The following HES2 variants were observed in gnomAD, a reference collection of about 807,000 sequenced individuals.
The protein encoded by HES2 is transcription factor HES-2.
Under a neutral mutation model 11.9 loss-of-function variants are expected in HES2, and 11 were observed. The observed-to-expected ratio is 0.92, with a 90% CI of 0.58 to 1.53. HES2 has a LOEUF of 1.53. Ranked by LOEUF, HES2 falls within the 40% of genes most tolerant of loss-of-function variation. The pLI is 0.00. For synonymous variants in HES2, 125 were observed against 122.8 expected (o/e 1.02, Z -0.12); for missense variants, 260 against 253.8 (o/e 1.02, Z -0.16).
At position 6,418,996 on chromosome 1, in the gene HES2, A is replaced by G; in HGVS notation, c.399T>C (p.Ala133=). Residue 133 remains alanine, a synonymous_variant, in exon 4 of 4, where the codon GCT becomes GCC. Coordinates refer to ENST00000377834, the MANE Select transcript of HES2 (RefSeq NM_019089.5). The stretch of plus-strand genomic sequence containing the variant: ...GGGCAGACGGGCCACTGGAATCCCC[A>G]GCGCGCCCGCCGTCCAGGGTGGCGC... ...AASATLDGGR[A]GDSSGPSAPA... 1 of 1,368,960 alleles carries G rather than the reference A, an allele frequency of 7.3e-7. No homozygotes were observed. Among genetic ancestry groups the G allele is most frequent in the Admixed American group, 4.0e-5 (1 of 24,958 alleles). 84.8% of individuals were successfully genotyped at this position (1,368,960 alleles called of 1,614,324 possible).
At position 6,415,678 on chromosome 1, in the gene HES2, G is replaced by A. The variant is rs539707536; in HGVS notation, c.*3195C>T. On this transcript the variant is annotated 3_prime_UTR_variant, in exon 4 of 4. Transcript: ENST00000377834. Reference sequence around the variant, plus strand: ...AGGAGCAGGTAGGCGCCTGTCCCAAGCCTGAGTTTCCTGGGAAATCTACAT... The same window carrying A: ...AGGAGCAGGTAGGCGCCTGTCCCAAACCTGAGTTTCCTGGGAAATCTACAT... The A allele has an allele frequency of 6.6e-6, 1 of 152,204 alleles. No individual in the cohort carries two copies. Among genetic ancestry groups the A allele is most frequent in the South Asian group, 2.1e-4 (1 of 4,826 alleles). The allele number at this position is 152,204 out of a possible 1,614,324, so 9.4% of individuals were successfully genotyped here.
chr1:6,419,805 G>A lies in HES2; in HGVS notation c.16C>T (p.Arg6Trp). 2 of 1,558,802 alleles carry A rather than the reference G, an allele frequency of 1.3e-6. No individual in the cohort carries two copies. The highest frequency in any genetic ancestry group is 8.6e-7 in the Non-Finnish European group (1 of 1,157,488). ...CGCAGCTCCGCCGCGTCCCCTGCCC[G>A]GCGAGGCAGCCCCATGCTCCGCGGG... MGLPR[R>W]AGDAAELRKS... Residue 6 changes from arginine (R) to tryptophan (W), a missense_variant, in exon 1 of 4, where the codon CGG becomes TGG. Arg to Trp is a moderately radical substitution (Grantham distance 101). Coordinates refer to ENST00000377834, the MANE Select transcript of HES2 (RefSeq NM_019089.5). The surrounding 1 kb of genome is among the most constrained non-coding windows in gnomAD (Gnocchi z 8.1).
chr1:6,419,017 G>A lies in HES2; in HGVS notation c.378C>T (p.Ala126=). Reference sequence around the variant, plus strand: ...CCCCAGCGCGCCCGCCGTCCAGGGTGGCGCTGGCCGCTCTCCGCCACAGGT... The same window carrying A: ...CCCCAGCGCGCCCGCCGTCCAGGGTAGCGCTGGCCGCTCTCCGCCACAGGT... ...LEHLWRRAAS[A]TLDGGRAGDS... is the part of the protein sequence containing the mutation. Residue 126 remains alanine (A), a synonymous_variant, in exon 4 of 4, where the codon GCC becomes GCT. Transcript: ENST00000377834. The surrounding 1 kb of genome is among the most constrained non-coding windows in gnomAD (Gnocchi z 8.1). 7.0e-7 allele frequency: 1 copy of A among 1,419,292 alleles called. No homozygotes were observed. Among genetic ancestry groups the A allele is most frequent in the Non-Finnish European group, 9.1e-7 (1 of 1,097,386 alleles). 87.9% of individuals were successfully genotyped at this position (1,419,292 alleles called of 1,614,324 possible).
chr1:6,418,327 G>C lies in HES2; in HGVS notation c.*546C>G, dbSNP rs1023320327. ...GTGGAGGTGACAGCTCCCAGCATAT[G>C]CACCCTTTTGCTCTGCTCTGCTGCC... On this transcript the variant is annotated 3_prime_UTR_variant, in exon 4 of 4. Coordinates refer to ENST00000377834, the MANE Select transcript of HES2 (RefSeq NM_019089.5). 4 of 153,218 alleles carry C rather than the reference G, an allele frequency of 2.6e-5. No homozygotes were observed. Among genetic ancestry groups the C allele is most frequent in the Admixed American group, 6.5e-5 (1 of 15,322 alleles). The allele number at this position is 153,218 out of a possible 1,614,324, so 9.5% of individuals were successfully genotyped here.
In HES2 at chr1:6,419,625, C is replaced by A; in HGVS notation, c.123G>T (p.Leu41=). 6.5e-7 allele frequency: 1 copy of A among 1,541,586 alleles called. No individual in the cohort carries two copies. The highest frequency in any genetic ancestry group is 8.7e-7 in the Non-Finnish European group (1 of 1,146,970). ...QSLSQLKGLI[L]PLLGRENSNC... ...CGCTCACCTCCCGGCCCAGCAGCGG[C>A]AGGATGAGCCCCTTAAGCTGGCTCA... is the stretch of plus-strand genomic sequence containing the variant. Residue 41 remains leucine (L), a synonymous_variant, in exon 2 of 4, where the codon CTG becomes CTT. Transcript: ENST00000377834. The surrounding 1 kb of genome is among the most constrained non-coding windows in gnomAD (Gnocchi z 8.1).
Position 6,419,012 on chromosome 1 carries a change from A to G in HES2, c.383T>C (p.Leu128Pro). The G allele has an allele frequency of 7.2e-7, 1 of 1,398,042 alleles. No homozygotes were observed. The highest frequency in any genetic ancestry group is 9.2e-7 in the Non-Finnish European group (1 of 1,087,702). 86.6% of individuals were successfully genotyped at this position (1,398,042 alleles called of 1,614,324 possible). The change falls in exon 4 of 4, where the codon CTG becomes CCG. Residue 128 changes from leucine to proline, a missense_variant. Leu to Pro is a moderately conservative substitution (Grantham distance 98). Transcript: ENST00000377834. This position sits in a 1 kb window ranked among gnomAD's most constrained non-coding sequence, Gnocchi z 8.1. Reference sequence around the variant, plus strand: ...GGAATCCCCAGCGCGCCCGCCGTCCAGGGTGGCGCTGGCCGCTCTCCGCCA... The same window carrying G: ...GGAATCCCCAGCGCGCCCGCCGTCCGGGGTGGCGCTGGCCGCTCTCCGCCA... ...HLWRRAASATLDGGRAGDSSG... is the reference protein window; with the variant it reads ...HLWRRAASATPDGGRAGDSSG...
At position 6,419,753 on chromosome 1, in the gene HES2, C is replaced by A; in HGVS notation, c.45+23G>T. ...GACGGGTCCCCGGAGTCCCCAGCCC[C>A]GCCCCCAGTCCCCGGTACCCACCTT... On this transcript the variant is annotated intron_variant, in intron 1 of 3. Transcript: ENST00000377834. This position sits in a 1 kb window ranked among gnomAD's most constrained non-coding sequence, Gnocchi z 8.1. 1 of 1,555,760 alleles carries A rather than the reference C, an allele frequency of 6.4e-7. No homozygotes were observed. The highest frequency in any genetic ancestry group is 1.9e-5 in the Admixed American group (1 of 53,296).
Position 6,419,379 on chromosome 1 carries a change from A to G in HES2, c.142-39T>C. 8.4e-6 allele frequency: 13 copies of G among 1,539,568 alleles called. No homozygotes were observed. The highest frequency in any genetic ancestry group is 1.7e-5 in the Admixed American group (1 of 58,076). On this transcript the variant is annotated intron_variant, in intron 2 of 3. Coordinates refer to ENST00000377834, the MANE Select transcript of HES2 (RefSeq NM_019089.5). The surrounding 1 kb of genome is among the most constrained non-coding windows in gnomAD (Gnocchi z 8.1). ...CGAGGAAGAGCGACAGAGAACCACC[A>G]AGACAGAACTTTGGCCGGCTACCGT...
chr1:6,419,714 C>T lies in HES2; in HGVS notation c.46-12G>A, dbSNP rs1436148583. On this transcript the variant is annotated splice_polypyrimidine_tract_variant and intron_variant, in intron 1 of 3. Coordinates refer to ENST00000377834, the MANE Select transcript of HES2 (RefSeq NM_019089.5). This position sits in a 1 kb window ranked among gnomAD's most constrained non-coding sequence, Gnocchi z 8.1. ...AGCGGCTTCAGGCTCTGCGGACGGG[C>T]GGCGCGGTGGTTAGACGGGTCCCCG... 8 of 1,551,786 alleles carry T rather than the reference C, an allele frequency of 5.2e-6. No homozygotes were observed. Among genetic ancestry groups the T allele is most frequent in the South Asian group, 1.2e-5 (1 of 84,302 alleles).
Position 6,419,528 on chromosome 1 carries a change from T to C in HES2, c.141+79A>G. 1 of 1,331,734 alleles carries C rather than the reference T, an allele frequency of 7.5e-7. No homozygotes were observed. Among genetic ancestry groups the C allele is most frequent in the South Asian group, 1.4e-5 (1 of 70,430 alleles). 82.5% of individuals were successfully genotyped at this position (1,331,734 alleles called of 1,614,324 possible). ...CGCCGCGCGGAACCCCCTGGTGGGT[T>C]CCTCCCGCAGGAGCACCCCGTCCCC... is the stretch of plus-strand genomic sequence containing the variant. On this transcript the variant is annotated intron_variant, in intron 2 of 3. Transcript: ENST00000377834. The surrounding 1 kb of genome is among the most constrained non-coding windows in gnomAD (Gnocchi z 8.1).
Position 6,418,260 on chromosome 1 carries a change from A to C in HES2, c.*613T>G, listed in dbSNP as rs2148495038. On this transcript the variant is annotated 3_prime_UTR_variant, in exon 4 of 4. Transcript: ENST00000377834. ...CCCCACCGCACAGACCCCTGGATGT[A>C]TACTGCCCCTATAATTCTGCTCTAG... is the stretch of plus-strand genomic sequence containing the variant. 6.6e-6 allele frequency: 1 copy of C among 152,364 alleles called. No homozygotes were observed. The highest frequency in any genetic ancestry group is 2.1e-4 in the South Asian group (1 of 4,816). The allele number at this position is 152,364 out of a possible 1,614,324, so 9.4% of individuals were successfully genotyped here.
rs773137994 is a variant in HES2, at chr1:6,419,838, T to A, written c.-18A>T. The stretch of plus-strand genomic sequence containing the variant: ...AGCCCCATGCTCCGCGGGGAAGCGG[T>A]GGCAGCTGCGAGCCCCACGCAAAGG... On this transcript the variant is annotated 5_prime_UTR_variant, in exon 1 of 4. Coordinates refer to ENST00000377834, the MANE Select transcript of HES2 (RefSeq NM_019089.5). The surrounding 1 kb of genome is among the most constrained non-coding windows in gnomAD (Gnocchi z 8.1). 1.3e-6 allele frequency: 2 copies of A among 1,538,248 alleles called. No individual in the cohort carries two copies. The highest frequency in any genetic ancestry group is 1.7e-6 in the Non-Finnish European group (2 of 1,147,838).
chr1:6,415,978 A>C lies in HES2; in HGVS notation c.*2895T>G, dbSNP rs1025957460. 7 of 152,248 alleles carry C rather than the reference A, an allele frequency of 4.6e-5. No homozygotes were observed. Among genetic ancestry groups the C allele is most frequent in the African/African-American group, 1.7e-4 (7 of 41,454 alleles). 9.4% of individuals were successfully genotyped at this position (152,248 alleles called of 1,614,324 possible). A position where few individuals can be genotyped will look rare whatever the true frequency, so the allele number is the denominator to read the frequency against. On this transcript the variant is annotated 3_prime_UTR_variant, in exon 4 of 4. Coordinates refer to ENST00000377834, the MANE Select transcript of HES2 (RefSeq NM_019089.5). Reference sequence around the variant, plus strand: ...ATTTTTGTAGAGACGGGGTTTCACCATGTTGGTCAGGCTGGTCTTGAACTC... The same window carrying C: ...ATTTTTGTAGAGACGGGGTTTCACCCTGTTGGTCAGGCTGGTCTTGAACTC...
rs774958467 is a variant in HES2, at chr1:6,417,843, CA to C, written c.*1029del. Reference sequence around the variant, plus strand: ...AGGTGATCCACCCGCCTTGGCCTCCCAAAGTGCTGGGATTACAGGCGTGAGC... The same window carrying C: ...AGGTGATCCACCCGCCTTGGCCTCCCAAGTGCTGGGATTACAGGCGTGAGC... On this transcript the variant is annotated 3_prime_UTR_variant, in exon 4 of 4. Coordinates refer to ENST00000377834, the MANE Select transcript of HES2 (RefSeq NM_019089.5). 1 of 152,308 alleles carries C rather than the reference CA, an allele frequency of 6.6e-6. No homozygotes were observed. The highest frequency in any genetic ancestry group is 1.5e-5 in the Non-Finnish European group (1 of 68,088). 9.4% of individuals were successfully genotyped at this position (152,308 alleles called of 1,614,324 possible).
At position 6,419,656 on chromosome 1, in the gene HES2, T is replaced by C. The variant is rs1469910309; in HGVS notation, c.92A>G (p.Gln31Arg). 1.9e-6 allele frequency: 3 copies of C among 1,555,296 alleles called. No individual in the cohort carries two copies. The highest frequency in any genetic ancestry group is 3.8e-5 in the Admixed American group (2 of 52,640). Residue 31 changes from glutamine (Q) to arginine (R), a missense_variant, in exon 2 of 4, where the codon CAG (glutamine) becomes CGG (arginine). Gln to Arg is a conservative substitution (Grantham distance 43). Coordinates refer to ENST00000377834, the MANE Select transcript of HES2 (RefSeq NM_019089.5). The surrounding 1 kb of genome is among the most constrained non-coding windows in gnomAD (Gnocchi z 8.1). Reference protein sequence around the residue: ...LEKRRRARINQSLSQLKGLIL... With the variant: ...LEKRRRARINRSLSQLKGLIL... ...GAGCCCCTTAAGCTGGCTCAGGCTC[T>C]GGTTGATGCGCGCGCGCCGGCGCTT...
Position 6,419,186 on chromosome 1 carries a change from AGGGTGCC to A in HES2, c.242-40_242-34del, listed in dbSNP as rs758910557. 2.5e-6 allele frequency: 4 copies of A among 1,578,026 alleles called. No homozygotes were observed. The highest frequency in any genetic ancestry group is 1.7e-4 in the Middle Eastern group (1 of 5,734). Reference sequence around the variant, plus strand: ...CGGAGAGCCGCGTGAGGCGCGGGGTAGGGTGCCGGGTGCGGGGTGCAGAGCGCGCGGC... The same window carrying A: ...CGGAGAGCCGCGTGAGGCGCGGGGTAGGGTGCGGGGTGCAGAGCGCGCGGC... On this transcript the variant is annotated intron_variant, in intron 3 of 3. Coordinates refer to ENST00000377834, the MANE Select transcript of HES2 (RefSeq NM_019089.5). This position sits in a 1 kb window ranked among gnomAD's most constrained non-coding sequence, Gnocchi z 8.1.
Position 6,417,393 on chromosome 1 carries a change from A to T in HES2, c.*1480T>A, listed in dbSNP as rs573539614. On this transcript the variant is annotated 3_prime_UTR_variant, in exon 4 of 4. Coordinates refer to ENST00000377834, the MANE Select transcript of HES2 (RefSeq NM_019089.5). The stretch of plus-strand genomic sequence containing the variant: ...GGCTGCTGATTTGGGGACTCGGGGG[A>T]GAATCCTCCACCTTCTGCAAATGCT... 6.6e-6 allele frequency: 1 copy of T among 152,080 alleles called. No individual in the cohort carries two copies. The highest frequency in any genetic ancestry group is 2.4e-5 in the African/African-American group (1 of 41,466). 9.4% of individuals were successfully genotyped at this position (152,080 alleles called of 1,614,324 possible). A position where few individuals can be genotyped will look rare whatever the true frequency, so the allele number is the denominator to read the frequency against.
chr1:6,419,111 G>T lies in HES2; in HGVS notation c.284C>A (p.Ala95Glu), dbSNP rs1206639649. 2 of 1,509,208 alleles carry T rather than the reference G, an allele frequency of 1.3e-6. No homozygotes were observed. Among genetic ancestry groups the T allele is most frequent in the Non-Finnish European group, 8.8e-7 (1 of 1,136,834 alleles). The allele number at this position is 1,509,208 out of a possible 1,614,324, so 93.5% of individuals were successfully genotyped here. Residue 95 changes from alanine (A) to glutamate (E), a missense_variant, in exon 4 of 4, where the codon GCG (alanine) becomes GAG (glutamate). Transcript: ENST00000377834. The surrounding 1 kb of genome is among the most constrained non-coding windows in gnomAD (Gnocchi z 8.1). ...SYREGYSACV[A>E]RLARVLPACR... ...GGCGGGCAGCACGCGGGCCAGGCGC[G>T]CCACACAGGCGCTGTAGCCCTCGCG... is the stretch of plus-strand genomic sequence containing the variant.
rs1383406117 is a variant in HES2, at chr1:6,416,116, T to C, written c.*2757A>G. ...TTATGAGAAAGAGACATGGGAGCCT[T>C]TTCCCCAGCTGGGGCAATCATCAGA... is the stretch of plus-strand genomic sequence containing the variant. On this transcript the variant is annotated 3_prime_UTR_variant, in exon 4 of 4. Transcript: ENST00000377834. The C allele has an allele frequency of 6.6e-6, 1 of 152,194 alleles. No homozygotes were observed. Among genetic ancestry groups the C allele is most frequent in the Non-Finnish European group, 1.5e-5 (1 of 68,046 alleles). 9.4% of individuals were successfully genotyped at this position (152,194 alleles called of 1,614,324 possible).
Sources: allele counts gnomAD v4.1 joint callset, GRCh38; gene constraint gnomAD v4.1.1; non-coding constraint Gnocchi (gnomAD v3.1); transcripts MANE v1.5; gene names NCBI Gene and HGNC (gene_info 2026-07-23, HGNC 2026-07-21).